ATP2B2: variants seen among roughly 807,000 people sequenced by gnomAD.
ATP2B2 encodes the protein plasma membrane calcium-transporting ATPase 2.
In ATP2B2, 15 loss-of-function variants were observed where a neutral mutation model predicts 120.0. That is an observed-to-expected ratio of 0.12 (90% CI 0.08 to 0.19). The LOEUF is 0.19. ATP2B2 is among the 10% of genes least tolerant of loss of function. The pLI is 1.00. For missense variants in ATP2B2, 1,045 were observed against 1,719.8 expected (o/e 0.61, Z 6.94); for synonymous variants, 694 against 700.3 (o/e 0.99, Z 0.14).
chr3:10,494,271 A>G (rs114505139), intron 1 of ATP2B2, among the ~76,000 whole-genome samples: 6,763 of 152,166 alleles, frequency 0.044, 494 homozygotes, highest in African/African-American at 0.15. Flanking sequence ...ATTTTTTCAT[A>G]GAGATTCCCT....
chr3:10,435,632 G>A (rs139427225), intron 2 of ATP2B2, among the ~76,000 whole-genome samples: 1 of 152,248 alleles, frequency 6.6e-6, no homozygotes, highest in Non-Finnish European at 1.5e-5. Flanking sequence ...TTGTAAAGGT[G>A]GACTTTCAGG....
chr3:10,547,181 C>A (rs1575483178), intron 2 of ATP2B2, among the ~76,000 whole-genome samples: 1 of 151,916 alleles, frequency 6.6e-6, no homozygotes, highest in Admixed American at 6.5e-5. Context: ...GCGGGTACAG[C>A]TCACAGTAGA....
chr3:10,566,267 G>A (rs2068007241), intron 2 of ATP2B2: 1 of 152,286 alleles, frequency 6.6e-6, no homozygotes. Context: ...AAGAGCTGAT[G>A]TTCATGCTCA....
chr3:10,466,505 T>C (rs2064749399), intron 1 of ATP2B2, among the ~76,000 whole-genome samples: 1 of 152,154 alleles, frequency 6.6e-6, no homozygotes, highest in Non-Finnish European at 1.5e-5. Flanking sequence ...TTTTACTACC[T>C]GGAGTGGGGG....
intron 2 of ATP2B2, among the ~76,000 whole-genome samples, chr3:10,417,069 CGGGGGGG>C (rs1227824259): frequency 1.1e-5 from 1 of 93,362 alleles, no homozygotes; most frequent in African/African-American, 6.3e-5. Flanking sequence ...CAGACGGCGG[CGGGGGGG>C]GGCGGGCAGA....
At chr3:10,506,798 C>G (rs943092670), upstream of ATP2B2, among the ~76,000 whole-genome samples, 2 of 152,214 alleles carry the variant, frequency 1.3e-5, no homozygotes, top group Admixed American at 6.5e-5. Context: ...GAAGCTGCCT[C>G]TTTCCCCTGC....
At chr3:10,690,585 T>C (rs1248734281) in intron 1 of ATP2B2, among the ~76,000 whole-genome samples, 1 of 152,144 alleles carries the variant, frequency 6.6e-6, no homozygotes, top group Admixed American at 6.5e-5. Flanking sequence ...TAAGCTACTT[T>C]AAACTTTCCT....
At chr3:10,671,793 G>A (rs560792651) in intron 1 of ATP2B2, among the ~76,000 whole-genome samples, 1 of 152,274 alleles carries the variant, frequency 6.6e-6, no homozygotes, top group East Asian at 1.9e-4. Context: ...GTGGGGTGAG[G>A]TGATGAACAT....
chr3:10,523,642 C>T (rs995105050), intron 3 of ATP2B2, among the ~76,000 whole-genome samples: 1 of 152,158 alleles, frequency 6.6e-6, no homozygotes, highest in Admixed American at 6.5e-5. Context: ...TAACCTAAAT[C>T]ATATTTCAAA....
At chr3:10,634,394 G>A (rs546678058) in intron 1 of ATP2B2, among the ~76,000 whole-genome samples, 5 of 152,294 alleles carry the variant, frequency 3.3e-5, no homozygotes, top group East Asian at 1.9e-4. Context: ...ACTGGGGGCC[G>A]TGTCCAATTC....
In ATP2B2 at chr3:10,342,973, C is replaced by G. The variant is rs758164319; in HGVS notation, c.2704-8G>C. On this transcript the variant is annotated splice_polypyrimidine_tract_variant and splice_region_variant and intron_variant, in intron 18 of 22. Transcript: ENST00000360273. The surrounding 1 kb of genome is among the most constrained non-coding windows in gnomAD (Gnocchi z 4.4). Reference sequence around the variant, plus strand: ...GGCCTTCAGAGGGGAGTCCTGGGGACGGGCAGGAGAGGGCTGTCACCTGTG... The same window carrying G: ...GGCCTTCAGAGGGGAGTCCTGGGGAGGGGCAGGAGAGGGCTGTCACCTGTG... The G allele has an allele frequency of 6.2e-7, 1 of 1,613,386 alleles. No individual in the cohort carries two copies. The highest frequency in any genetic ancestry group is 2.2e-5 in the East Asian group (1 of 44,870).
chr3:10,535,639 T>C (rs1039956377), intron 2 of ATP2B2, among the ~76,000 whole-genome samples: 1 of 152,210 alleles, frequency 6.6e-6, no homozygotes, highest in African/African-American at 2.4e-5. Context: ...CTTTTGGGAC[T>C]GGCTTTTTTC....
chr3:10,433,150 C>T (rs2063373426), intron 2 of ATP2B2, among the ~76,000 whole-genome samples: 1 of 152,236 alleles, frequency 6.6e-6, no homozygotes, highest in Non-Finnish European at 1.5e-5. Context: ...ACGGGAAACC[C>T]TTTAGCCACT....
chr3:10,541,748 C>T (rs534247116), intron 2 of ATP2B2, among the ~76,000 whole-genome samples: 103 of 152,178 alleles, frequency 6.8e-4, no homozygotes, highest in African/African-American at 2.0e-3. Flanking sequence ...GTTGCTGTTA[C>T]GGGGAGCATT....
At chr3:10,550,269 A>T (rs2067639527) in intron 2 of ATP2B2, among the ~76,000 whole-genome samples, 1 of 152,244 alleles carries the variant, frequency 6.6e-6, no homozygotes, top group Non-Finnish European at 1.5e-5. Flanking sequence ...GAACGGAAGT[A>T]AATAGCAATA....
chr3:10,374,175 G>C (rs956407473), intron 11 of ATP2B2, among the ~76,000 whole-genome samples: 7 of 152,220 alleles, frequency 4.6e-5, no homozygotes. Flanking sequence ...CCAGCTCTGT[G>C]CAACTTTCAA....
intron 3 of ATP2B2, among the ~76,000 whole-genome samples, chr3:10,408,455 C>T (rs925901144): frequency 3.3e-5 from 5 of 152,274 alleles, no homozygotes; most frequent in African/African-American, 1.2e-4. Context: ...CAGGCCAGGG[C>T]GTGGGCTTCC....
In ATP2B2 at chr3:10,676,309, C is replaced by T. The variant is rs539511335; in HGVS notation, c.-460+31606G>A. On this transcript the variant is annotated intron_variant, in intron 1 of 21. Coordinates refer to the ATP2B2 transcript ENST00000646379. Reference sequence around the variant, plus strand: ...CCCTTTGTGGGTTCCAGCCATTTCTCCTGACAGGGATGGGGTGCCACTGAG... The same window carrying T: ...CCCTTTGTGGGTTCCAGCCATTTCTTCTGACAGGGATGGGGTGCCACTGAG... Among the ~76,000 whole-genome samples the T allele has an allele frequency of 2.0e-5, 3 of 152,146 alleles. No homozygotes were observed. In the South Asian group the frequency reaches 6.2e-4, roughly 32 times the overall value.
intron 2 of ATP2B2, among the ~76,000 whole-genome samples, chr3:10,420,607 C>T (rs897650025): frequency 1.3e-5 from 2 of 152,228 alleles, no homozygotes; most frequent in African/African-American, 2.4e-5. Flanking sequence ...GGTGATCCAC[C>T]CGCCTTGGCC....
Sources: gnomAD v4.1 joint callset for allele counts (sites outside exome capture counted in the v4.1 genomes callset) on GRCh38, gnomAD v4.1.1 for gene constraint, Gnocchi (gnomAD v3.1) non-coding constraint, MANE v1.5 for transcripts, NCBI Gene and HGNC (gene_info 2026-07-23, HGNC 2026-07-21) for gene names.